CSNK1G1: variants seen among roughly 807,000 people sequenced by gnomAD.
CSNK1G1 encodes the protein casein kinase 1 gamma 1, also known as casein kinase I isoform gamma-1.
In CSNK1G1, 22 loss-of-function variants were observed where a neutral mutation model predicts 59.6. The ratio of observed to expected loss-of-function variants is 0.37; its 90% CI spans 0.26 to 0.53. The LOEUF is 0.53. Among genes scored for constraint, CSNK1G1 ranks in the 20% least tolerant of loss-of-function variants. CSNK1G1 has a pLI of 0.89. For synonymous variants in CSNK1G1, 179 were observed against 177.1 expected (o/e 1.01, Z -0.08); for missense variants, 384 against 519.5 (o/e 0.74, Z 2.54).
At chr15:64,239,305 A>G (rs949150617) in intron 4 of CSNK1G1, among the ~76,000 whole-genome samples, 1 of 152,156 alleles carries the variant, frequency 6.6e-6, no homozygotes, top group African/African-American at 2.4e-5. Flanking sequence ...ATGAAAAGAA[A>G]TTTTAAAACT....
At position 64,214,239 on chromosome 15, in the gene CSNK1G1, T is replaced by G. The variant is rs1315064432; in HGVS notation, c.445-115A>C. The G allele has an allele frequency of 1.3e-6, 1 of 767,890 alleles. No individual in the cohort carries two copies. Among genetic ancestry groups the G allele is most frequent in the Non-Finnish European group, 2.2e-6 (1 of 459,040 alleles). The allele number at this position is 767,890 out of a possible 1,614,324, so 47.6% of individuals were successfully genotyped here. On this transcript the variant is annotated intron_variant, in intron 5 of 11. Coordinates refer to ENST00000303052, the MANE Select transcript of CSNK1G1 (RefSeq NM_022048.5). This position sits in a 1 kb window ranked among gnomAD's most constrained non-coding sequence, Gnocchi z 4.3. Reference sequence around the variant, plus strand: ...ATTATTGAAATAACAGTAAAATTCATCTCCTTTCACCGCCCTGAGTCACTT... The same window carrying G: ...ATTATTGAAATAACAGTAAAATTCAGCTCCTTTCACCGCCCTGAGTCACTT...
chr15:64,265,908 A>G (rs114908752), intron 2 of CSNK1G1: 81 of 435,266 alleles, frequency 1.9e-4, no homozygotes, highest in African/African-American at 1.6e-3. Context: ...CATATGAGAC[A>G]CTGCATCTGC....
chr15:64,282,994 C>T (rs187149931), intron 2 of CSNK1G1, among the ~76,000 whole-genome samples: 8 of 152,180 alleles, frequency 5.3e-5, no homozygotes, highest in African/African-American at 1.9e-4. Context: ...AAGAATGATA[C>T]AATGGACTTT....
At chr15:64,282,810 C>A (rs549843828) in intron 2 of CSNK1G1, among the ~76,000 whole-genome samples, 74 of 152,260 alleles carry the variant, frequency 4.9e-4, no homozygotes, top group Non-Finnish European at 6.3e-4. Flanking sequence ...ACACTTCCCC[C>A]CTAGCCAACA....
intron 4 of CSNK1G1, among the ~76,000 whole-genome samples, chr15:64,247,075 T>G (rs1891799071): frequency 6.6e-6 from 1 of 152,174 alleles, no homozygotes; most frequent in Admixed American, 6.5e-5. Flanking sequence ...TTCATATCTC[T>G]GCCCCAAACC....
chr15:64,271,265 G>C (rs1211024154), intron 2 of CSNK1G1, among the ~76,000 whole-genome samples: 1 of 151,848 alleles, frequency 6.6e-6, no homozygotes, highest in Non-Finnish European at 1.5e-5. Context: ...TGGGATTACA[G>C]GTGTGAGCCA....
intron 2 of CSNK1G1, among the ~76,000 whole-genome samples, chr15:64,284,580 T>C (rs547470670): frequency 6.6e-6 from 1 of 152,078 alleles, no homozygotes; most frequent in Non-Finnish European, 1.5e-5. Context: ...CTAATGTAAG[T>C]GAAATTTTTA....
chr15:64,201,461 C>T (rs751278748), intron 10 of CSNK1G1, among the ~76,000 whole-genome samples: 1 of 152,022 alleles, frequency 6.6e-6, no homozygotes, highest in Non-Finnish European at 1.5e-5. Context: ...GTTGTCAAAC[C>T]AGAAGTCAGT....
chr15:64,201,706 ATGTGTGTGTGTGTGTGTGTGTG>A (rs10664838), intron 10 of CSNK1G1, among the ~76,000 whole-genome samples: 1 of 126,472 alleles, frequency 7.9e-6, no homozygotes, highest in South Asian at 2.6e-4. Context: ...TCCATTGGAC[ATGTGTGTGTGTGTGTGTGTGTG>A]TGTGTGTGTG....
chr15:64,189,083 G>A (rs892193754), intron 10 of CSNK1G1, among the ~76,000 whole-genome samples: 5 of 152,040 alleles, frequency 3.3e-5, no homozygotes, highest in Non-Finnish European at 2.9e-5. Flanking sequence ...CCAAGATCGC[G>A]CCACTGCACT....
intron 4 of CSNK1G1, among the ~76,000 whole-genome samples, chr15:64,243,147 C>A (rs887180246): frequency 1.6e-4 from 25 of 152,028 alleles, no homozygotes; most frequent in African/African-American, 5.8e-4. Flanking sequence ...ACTATCCTGG[C>A]CAACATGGTG....
chr15:64,256,943 CA>C (rs1271918573), intron 3 of CSNK1G1, among the ~76,000 whole-genome samples: 7 of 151,982 alleles, frequency 4.6e-5, no homozygotes, highest in African/African-American at 1.7e-4. Flanking sequence ...AAACAAACAG[CA>C]GACAGCTACC....
chr15:64,234,372 C>T (rs1191150620), intron 4 of CSNK1G1, among the ~76,000 whole-genome samples: 1 of 152,106 alleles, frequency 6.6e-6, no homozygotes, highest in African/African-American at 2.4e-5. Flanking sequence ...AGGAGCAGGT[C>T]CTGAGAGCAT....
At chr15:64,325,426 T>C (rs1896787739) in intron 1 of CSNK1G1, among the ~76,000 whole-genome samples, 1 of 152,214 alleles carries the variant, frequency 6.6e-6, no homozygotes, top group Admixed American at 6.5e-5. Context: ...ACAATGCACA[T>C]ATCCTGATAG....
Position 64,171,803 on chromosome 15 carries a change from T to C in CSNK1G1, c.*128A>G. The C allele has an allele frequency of 1.2e-6, 1 of 847,172 alleles. No homozygotes were observed. The allele number at this position is 847,172 out of a possible 1,614,324, so 52.5% of individuals were successfully genotyped here. On this transcript the variant is annotated 3_prime_UTR_variant, in exon 12 of 12. Coordinates refer to ENST00000303052, the MANE Select transcript of CSNK1G1 (RefSeq NM_022048.5). This position sits in a 1 kb window ranked among gnomAD's most constrained non-coding sequence, Gnocchi z 4.8. ...CACTGGCCCCTTCTGGGGGCATCTGTTTTCTTCTTTTTGGTTTGGATATCC... is the reference window on the plus strand; with the variant it reads ...CACTGGCCCCTTCTGGGGGCATCTGCTTTCTTCTTTTTGGTTTGGATATCC...
At chr15:64,178,348 T>C (rs2081765900) in intron 11 of CSNK1G1, among the ~76,000 whole-genome samples, 1 of 152,104 alleles carries the variant, frequency 6.6e-6, no homozygotes, top group Non-Finnish European at 1.5e-5. Context: ...CAGTGCCTTA[T>C]ACAAGCTGGG....
At chr15:64,334,303 C>G (rs1480958144) in intron 1 of CSNK1G1, among the ~76,000 whole-genome samples, 1 of 152,044 alleles carries the variant, frequency 6.6e-6, no homozygotes, top group Non-Finnish European at 1.5e-5. Flanking sequence ...CAGGAGTGAG[C>G]CACCGTGCCC....
chr15:64,242,125 G>A (rs1891496824), intron 4 of CSNK1G1, among the ~76,000 whole-genome samples: 1 of 152,110 alleles, frequency 6.6e-6, no homozygotes, highest in South Asian at 2.1e-4. Flanking sequence ...TAAATTCCTG[G>A]ACATATACCA....
chr15:64,253,489 G>T (rs565450684), intron 3 of CSNK1G1, among the ~76,000 whole-genome samples: 1 of 152,274 alleles, frequency 6.6e-6, no homozygotes, highest in South Asian at 2.1e-4. Context: ...AAAATGGTGC[G>T]ACCGCTCTGG....
Sources: gnomAD v4.1 joint callset for allele counts (sites outside exome capture counted in the v4.1 genomes callset) on GRCh38, gnomAD v4.1.1 for gene constraint, Gnocchi (gnomAD v3.1) non-coding constraint, MANE v1.5 for transcripts, NCBI Gene and HGNC (gene_info 2026-07-23, HGNC 2026-07-21) for gene names.